The following SUCLG2 variants were observed in gnomAD, a reference collection of about 807,000 sequenced individuals.
SUCLG2 encodes the protein succinate--CoA ligase [GDP-forming] subunit beta, mitochondrial.
A neutral mutation model predicts 47.9 loss-of-function variants in SUCLG2; 42 were observed. The ratio of observed to expected loss-of-function variants is 0.88; its 90% CI spans 0.69 to 1.14. The LOEUF (loss-of-function observed/expected upper bound fraction) is 1.14, where lower values mean the gene tolerates loss of function less well. Ranked by LOEUF, SUCLG2 falls within the 50% of genes most tolerant of loss-of-function variation. The probability of loss-of-function intolerance (pLI) is 0.00; values close to 1 mark genes in which losing one functional copy is unlikely to be tolerated. For synonymous variants in SUCLG2, 195 were observed against 197.3 expected, an observed-to-expected ratio of 0.99 and a Z score of 0.10; for missense variants, 571 against 525.9, an observed-to-expected ratio of 1.09 and a Z score of -0.84.
At chr3:67,606,716 C>T (rs1159142287) in intron 2 of SUCLG2, among the ~76,000 whole-genome samples, 2 of 152,130 alleles carry the variant, frequency 1.3e-5, no homozygotes, top group Non-Finnish European at 2.9e-5. Context: ...AACCAATTTT[C>T]ATTTATTAAA....
At chr3:67,469,037 G>T (rs752978944) in intron 9 of SUCLG2, among the ~76,000 whole-genome samples, 1 of 152,192 alleles carries the variant, frequency 6.6e-6, no homozygotes, top group Non-Finnish European at 1.5e-5. Flanking sequence ...CATGAGAAGG[G>T]AAAGTCTGGA....
rs970400321 is a variant in SUCLG2, at chr3:67,520,572, C to T, written c.480G>A (p.Arg160=). The change falls in exon 5 of 11, where the codon CGG becomes CGA. Residue 160 remains arginine, a synonymous_variant. Coordinates refer to ENST00000307227, the MANE Select transcript of SUCLG2 (RefSeq NM_003848.4). ...CCACCAGCACGGGGCCATTGCAGGA[C>T]CGGTCCATCAGAATTGCCAGGTAGG... ...RETYLAILMD[R]SCNGPVLVGS... 6.2e-7 allele frequency: 1 copy of T among 1,614,150 alleles called. No individual in the cohort carries two copies. The highest frequency in any genetic ancestry group is 8.5e-7 in the Non-Finnish European group (1 of 1,180,000).
intron 9 of SUCLG2, among the ~76,000 whole-genome samples, chr3:67,401,342 C>T (rs1417795456): frequency 6.6e-6 from 1 of 152,044 alleles, no homozygotes; most frequent in African/African-American, 2.4e-5. Flanking sequence ...CTTAATACCT[C>T]TTTGATATGC....
chr3:67,389,546 C>T (rs1273788883), intron 10 of SUCLG2, among the ~76,000 whole-genome samples: 1 of 152,174 alleles, frequency 6.6e-6, no homozygotes, highest in African/African-American at 2.4e-5. Context: ...GAAAAAGTTG[C>T]CAACTACAGG....
intron 1 of SUCLG2, among the ~76,000 whole-genome samples, chr3:67,645,433 T>C (rs1443926226): frequency 6.6e-6 from 1 of 152,118 alleles, no homozygotes; most frequent in Non-Finnish European, 1.5e-5. Context: ...ACCATCCTAT[T>C]CAACACTCAG....
chr3:67,483,939 C>A (rs573297942), intron 9 of SUCLG2, among the ~76,000 whole-genome samples: 3 of 152,210 alleles, frequency 2.0e-5, no homozygotes, highest in Non-Finnish European at 4.4e-5. Context: ...TAGAACCAAG[C>A]TTTGGCTTAC....
intron 2 of SUCLG2, among the ~76,000 whole-genome samples, chr3:67,601,105 TTTTA>T (rs1407363978): frequency 6.6e-6 from 1 of 152,208 alleles, no homozygotes. Flanking sequence ...ACAATGTTCA[TTTTA>T]TAATATAGAA....
At chr3:67,503,810 T>C (rs949390981) in intron 7 of SUCLG2, among the ~76,000 whole-genome samples, 2 of 152,214 alleles carry the variant, frequency 1.3e-5, no homozygotes, top group Non-Finnish European at 2.9e-5. Context: ...CTGTGGTACT[T>C]ATATGCATAG....
intron 2 of SUCLG2, among the ~76,000 whole-genome samples, chr3:67,567,682 CTTCAT>C (rs1707494969): frequency 6.6e-6 from 1 of 152,112 alleles, no homozygotes; most frequent in South Asian, 2.1e-4. Context: ...TACAGAAAAA[CTTCAT>C]TTCCTTTTGT....
intron 9 of SUCLG2, among the ~76,000 whole-genome samples, chr3:67,443,950 G>A (rs1703845071): frequency 9.1e-6 from 1 of 109,754 alleles, no homozygotes; most frequent in Non-Finnish European, 2.1e-5. Context: ...ACCCCGTCCG[G>A]GAGGGAGGTG....
chr3:67,588,574 A>C (rs138651967), intron 2 of SUCLG2, among the ~76,000 whole-genome samples: 1 of 152,358 alleles, frequency 6.6e-6, no homozygotes, highest in East Asian at 1.9e-4. Context: ...TATAAATTGC[A>C]TGAAGATGAA....
intron 10 of SUCLG2, among the ~76,000 whole-genome samples, chr3:67,392,550 C>G (rs1702413771): frequency 6.6e-6 from 1 of 152,150 alleles, no homozygotes; most frequent in Non-Finnish European, 1.5e-5. Context: ...CATTTTACCC[C>G]TAGGATAATG....
At chr3:67,486,978 G>A (rs992532737) in intron 9 of SUCLG2, among the ~76,000 whole-genome samples, 1 of 152,084 alleles carries the variant, frequency 6.6e-6, no homozygotes, top group African/African-American at 2.4e-5. Flanking sequence ...GCACACAGGC[G>A]AATTTCCAAA....
At chr3:67,408,598 A>C in intron 9 of SUCLG2, 1 of 991,154 alleles carries the variant, frequency 1.0e-6, no homozygotes, top group Non-Finnish European at 1.2e-6. Context: ...AGTCAGGGGA[A>C]CCTAGGGAAA....
At position 67,518,139 on chromosome 3, in the gene SUCLG2, A is replaced by G. The variant is rs1039020538; in HGVS notation, c.660+108T>C. ...AGCTGGAGGAAAAAATTATAAAACAATAAATAATCCTGTTTCCTGGTAATC... is the reference window on the plus strand; with the variant it reads ...AGCTGGAGGAAAAAATTATAAAACAGTAAATAATCCTGTTTCCTGGTAATC... On this transcript the variant is annotated intron_variant, in intron 6 of 10. Coordinates refer to ENST00000307227, the MANE Select transcript of SUCLG2 (RefSeq NM_003848.4). The G allele has an allele frequency of 3.2e-6, 3 of 939,146 alleles. No homozygotes were observed. The South Asian group carries it at 5.1e-5, about 16-fold the overall frequency. 58.2% of individuals were successfully genotyped at this position (939,146 alleles called of 1,614,324 possible).
chr3:67,371,257 T>C (rs2106749876), downstream of SUCLG2, among the ~76,000 whole-genome samples: 1 of 152,314 alleles, frequency 6.6e-6, no homozygotes, highest in East Asian at 1.9e-4. Flanking sequence ...ATAGCTGGCA[T>C]ATACAATTTA....
chr3:67,633,285 T>C (rs1410408507), intron 1 of SUCLG2, among the ~76,000 whole-genome samples: 2 of 152,230 alleles, frequency 1.3e-5, no homozygotes, highest in Non-Finnish European at 2.9e-5. Flanking sequence ...AAGTACTTAC[T>C]AGCAAAATGT....
chr3:67,499,692 G>A (rs1705444629), intron 7 of SUCLG2, among the ~76,000 whole-genome samples: 1 of 151,960 alleles, frequency 6.6e-6, no homozygotes, highest in Non-Finnish European at 1.5e-5. Flanking sequence ...GTTCTGTGAT[G>A]CCATGTCATC....
At position 67,375,863 on chromosome 3, in the gene SUCLG2, G is replaced by C. The variant is rs1327047043; in HGVS notation, c.1184-4C>G. On this transcript the variant is annotated splice_polypyrimidine_tract_variant and splice_region_variant and intron_variant, in intron 10 of 10. Transcript: ENST00000307227. Reference sequence around the variant, plus strand: ...TGGGCCTCTTGGACGTTGGTTCCTAGAAGGGGGACAGGGAACAATCACTGA... The same window carrying C: ...TGGGCCTCTTGGACGTTGGTTCCTACAAGGGGGACAGGGAACAATCACTGA... 1.4e-5 allele frequency: 22 copies of C among 1,612,600 alleles called. No homozygotes were observed. The highest frequency in any genetic ancestry group is 1.9e-5 in the Non-Finnish European group (22 of 1,179,384).
Sources: allele counts gnomAD v4.1 joint callset (sites outside exome capture counted in the v4.1 genomes callset), GRCh38; gene constraint gnomAD v4.1.1; transcripts MANE v1.5; gene names NCBI Gene and HGNC (gene_info 2026-07-23, HGNC 2026-07-21).